Variants in CLRN2 observed in about 807,000 individuals in gnomAD.
CLRN2 encodes clarin 2.
In CLRN2, 17 loss-of-function variants were observed where a neutral mutation model predicts 20.1. That is an observed-to-expected ratio of 0.85 (90% CI 0.58 to 1.27). The LOEUF is 1.27. CLRN2 is among the 50% of genes most tolerant of loss of function. The pLI is 0.00. For synonymous variants in CLRN2, 140 were observed against 126.9 expected, an observed-to-expected ratio of 1.10 and a Z score of -0.70; for missense variants, 288 against 299.5, an observed-to-expected ratio of 0.96 and a Z score of 0.28.
chr4:17,526,963 G>A lies in CLRN2; in HGVS notation c.580G>A (p.Ala194Thr). ...TGAAGAGTCGTTTTGGATCTGCGTG[G>A]CCAGCGCTTCGGCCCATGCTGCAAA... ...QYEESFWICV[A>T]SASAHAANLV... Residue 194 changes from alanine to threonine, a missense_variant, in exon 3 of 3, where the codon GCC becomes ACC. Ala to Thr is a moderately conservative substitution (Grantham distance 58, BLOSUM62 0). Coordinates refer to ENST00000511148, the MANE Select transcript of CLRN2 (RefSeq NM_001079827.2). 6.2e-7 allele frequency: 1 copy of A among 1,614,034 alleles called. No individual in the cohort carries two copies. Among genetic ancestry groups the A allele is most frequent in the African/African-American group, 1.3e-5 (1 of 75,050 alleles).
At chr4:17,521,039 A>G (rs528438630) in intron 1 of CLRN2, among the ~76,000 whole-genome samples, 36 of 152,190 alleles carry the variant, frequency 2.4e-4, no homozygotes, top group African/African-American at 8.4e-4. Context: ...ATAAATAAAT[A>G]TCAGCACAAG....
Position 17,522,947 on chromosome 4 carries a change from C to G in CLRN2, c.337C>G (p.Leu113Val), listed in dbSNP as rs13147559. ...LLLFLALALA[L>V]VSMGFAILNM... ...CCTCTTCCTGGCCTTGGCCCTGGCTCTGGTCAGCATGGGCTTTGCCATTCT... is the reference window on the plus strand; with the variant it reads ...CCTCTTCCTGGCCTTGGCCCTGGCTGTGGTCAGCATGGGCTTTGCCATTCT... The change falls in exon 2 of 3, where the codon CTG (leucine) becomes GTG (valine). Residue 113 changes from leucine (L) to valine (V), a missense_variant. Leu to Val is a conservative substitution (Grantham distance 32). Coordinates refer to ENST00000511148, the MANE Select transcript of CLRN2 (RefSeq NM_001079827.2). 208,039 of 1,613,840 alleles carry G rather than the reference C, an allele frequency of 0.13. 14,301 individuals are homozygous for G. Among genetic ancestry groups the G allele is most frequent in the Admixed American group, 0.14 (8,388 of 60,002 alleles).
intron 2 of CLRN2, 61 bp from the exon 3 acceptor site, chr4:17,526,756 G>A (rs1577202870): frequency 1.3e-6 from 2 of 1,592,516 alleles, no homozygotes; most frequent in African/African-American, 2.7e-5. Flanking sequence ...GCACAGAAAT[G>A]CCACCTCTTA....
Position 17,515,455 on chromosome 4 carries a change from C to A in CLRN2, c.189C>A (p.Tyr63Ter). The A allele has an allele frequency of 1.2e-6, 2 of 1,613,886 alleles. No homozygotes were observed. The highest frequency in any genetic ancestry group is 2.2e-5 in the East Asian group (1 of 44,880). Reference sequence around the variant, plus strand: ...TCAAGTTCATTGGGGACATTTACTACGGGCTCTTCCGAGGGTGTAAAGTGC... The same window carrying A: ...TCAAGTTCATTGGGGACATTTACTAAGGGCTCTTCCGAGGGTGTAAAGTGC... ...ELVKFIGDIY[Y>*]GLFRGCKVRQ... Residue 63 changes from tyrosine (Y) to a stop codon, truncating the protein, a stop_gained, in exon 1 of 3, where the codon TAC becomes TAA. Coordinates refer to ENST00000511148, the MANE Select transcript of CLRN2 (RefSeq NM_001079827.2). LOFTEE classifies it high-confidence loss of function.
chr4:17,515,369 A>G lies in CLRN2; in HGVS notation c.103A>G (p.Ser35Gly). ...TGCCCTGGTAGTGCCCCACTGGCTGAGTGGGAAAATCCTTTGTCAGACTGG... is the reference window on the plus strand; with the variant it reads ...TGCCCTGGTAGTGCCCCACTGGCTGGGTGGGAAAATCCTTTGTCAGACTGG... Reference protein sequence around the residue: ...IVALVVPHWLSGKILCQTGVD... With the variant: ...IVALVVPHWLGGKILCQTGVD... Residue 35 changes from serine to glycine, a missense_variant, in exon 1 of 3, where the codon AGT (serine) becomes GGT (glycine). Physicochemically the swap from Ser to Gly is moderately conservative, Grantham distance 56. Transcript: ENST00000511148. 6.2e-7 allele frequency: 1 copy of G among 1,613,928 alleles called. No individual in the cohort carries two copies. The highest frequency in any genetic ancestry group is 1.3e-5 in the African/African-American group (1 of 75,022).
intron 1 of CLRN2, among the ~76,000 whole-genome samples, chr4:17,517,802 C>T (rs1711716164): frequency 6.6e-6 from 1 of 152,136 alleles, no homozygotes; most frequent in African/African-American, 2.4e-5. Flanking sequence ...CTGTAAACAT[C>T]CATTCGCAGT....
chr4:17,519,571 T>G (rs572194519), intron 1 of CLRN2, among the ~76,000 whole-genome samples: 3 of 151,876 alleles, frequency 2.0e-5, no homozygotes, highest in East Asian at 3.9e-4. Flanking sequence ...CGGCACATAG[T>G]CTGCACCCCA....
rs191333609 is a variant in CLRN2 at position 17,524,669 on chromosome 4, C to T, written c.433+1626C>T. 4.6e-3 allele frequency among the ~76,000 whole-genome samples: 696 copies of T among 151,932 alleles called. 3 individuals are homozygous for T. Among genetic ancestry groups the T allele is most frequent in the African/African-American group, 0.016 (648 of 41,438 alleles). ...ATATTTATCTCTGTCCATTCCTTTCCTTAGAGAGATAGCACTCTCAGACTC... is the reference window on the plus strand; with the variant it reads ...ATATTTATCTCTGTCCATTCCTTTCTTTAGAGAGATAGCACTCTCAGACTC... On this transcript the variant is annotated intron_variant, in intron 2 of 2. Coordinates refer to ENST00000511148, the MANE Select transcript of CLRN2 (RefSeq NM_001079827.2).
chr4:17,522,825 C>CACTTGAAAGTGAG, intron 1 of CLRN2, 39 bp from the exon 2 acceptor site: 3 of 1,597,580 alleles, frequency 1.9e-6, no homozygotes, highest in Admixed American at 1.7e-5. Context: ...GTGAGTCTAA[C>CACTTGAAAGTGAG]TCTGACATTG....
intron 1 of CLRN2, among the ~76,000 whole-genome samples, chr4:17,522,523 T>C (rs1282048280): frequency 6.6e-6 from 1 of 152,210 alleles, no homozygotes; most frequent in Non-Finnish European, 1.5e-5. Flanking sequence ...CCTTCATACA[T>C]GGGGATAAGC....
At chr4:17,519,640 C>T (rs574503490) in intron 1 of CLRN2, among the ~76,000 whole-genome samples, 7 of 152,180 alleles carry the variant, frequency 4.6e-5, no homozygotes, top group African/African-American at 1.7e-4. Flanking sequence ...CACCATGAGT[C>T]GTGTGTAGGG....
intron 2 of CLRN2, among the ~76,000 whole-genome samples, chr4:17,525,055 G>T (rs560731382): frequency 6.6e-6 from 1 of 152,256 alleles, no homozygotes; most frequent in East Asian, 1.9e-4. Flanking sequence ...GGCAGAAAAA[G>T]GTGAATAGCC....
chr4:17,516,224 C>T (rs562391582), intron 1 of CLRN2, among the ~76,000 whole-genome samples: 21 of 152,296 alleles, frequency 1.4e-4, no homozygotes, highest in Admixed American at 5.2e-4. Context: ...GAGCGGGCAC[C>T]GACTTTGGCT....
At chr4:17,525,152 G>A (rs995092188) in intron 2 of CLRN2, among the ~76,000 whole-genome samples, 2 of 152,060 alleles carry the variant, frequency 1.3e-5, no homozygotes, top group Admixed American at 6.6e-5. Context: ...ACATAAAATG[G>A]TATTTGCTGT....
intron 1 of CLRN2, among the ~76,000 whole-genome samples, chr4:17,516,207 T>G (rs1171101769): frequency 2.0e-5 from 3 of 152,230 alleles, no homozygotes; most frequent in African/African-American, 7.2e-5. Context: ...CTGTTCTCTG[T>G]GAACGTGAGC....
At chr4:17,523,201 C>G (rs929268947) in intron 2 of CLRN2, among the ~76,000 whole-genome samples, 158 bp downstream of exon 2, 4 of 135,610 alleles carry the variant, frequency 2.9e-5, no homozygotes, top group Non-Finnish European at 6.3e-5. Context: ...TGAATGTCCT[C>G]TTTTTCTTTT....
intron 1 of CLRN2, among the ~76,000 whole-genome samples, chr4:17,522,330 C>T (rs1016433207): frequency 2.0e-5 from 3 of 152,214 alleles, no homozygotes; most frequent in Admixed American, 6.5e-5. Context: ...TTTTTGAGAA[C>T]TGACTTTCCC....
intron 1 of CLRN2, among the ~76,000 whole-genome samples, chr4:17,520,459 G>A (rs1292306539): frequency 6.6e-6 from 1 of 152,138 alleles, no homozygotes; most frequent in Non-Finnish European, 1.5e-5. Context: ...AGCACATGTG[G>A]GAGTGCTTCT....
intron 2 of CLRN2, among the ~76,000 whole-genome samples, chr4:17,523,374 C>T (rs1451045345): frequency 1.3e-5 from 2 of 151,944 alleles, no homozygotes; most frequent in Non-Finnish European, 2.9e-5. Flanking sequence ...ACCACCATGC[C>T]CAGCTAATTT....
Sources: allele counts gnomAD v4.1 joint callset (sites outside exome capture counted in the v4.1 genomes callset), GRCh38; gene constraint gnomAD v4.1.1; transcripts MANE v1.5; gene names NCBI Gene and HGNC (gene_info 2026-07-23, HGNC 2026-07-21).